PLEKHG5: variants seen among roughly 807,000 people sequenced by gnomAD.
The protein encoded by PLEKHG5 is pleckstrin homology and RhoGEF domain containing G5.
A neutral mutation model predicts 103.8 loss-of-function variants in PLEKHG5; 52 were observed. The observed-to-expected ratio is 0.50, with a 90% CI of 0.40 to 0.63. PLEKHG5 has a LOEUF of 0.63. Among genes scored for constraint, PLEKHG5 ranks in the 30% least tolerant of loss-of-function variants. The pLI is 0.00. For synonymous variants in PLEKHG5, 592 were observed against 575.5 expected, an observed-to-expected ratio of 1.03 and a Z score of -0.41; for missense variants, 1,205 against 1,347.6, an observed-to-expected ratio of 0.89 and a Z score of 1.66.
intron 1 of PLEKHG5, chr1:6,485,835 C>G (rs936818014): frequency 5.1e-6 from 5 of 981,954 alleles, no homozygotes; most frequent in African/African-American, 3.5e-5. Context: ...GGTACCCCCA[C>G]CTCTGCGCCT....
rs762228019 is a variant in PLEKHG5 at position 6,468,127 on chromosome 1, T to C, written c.2709A>G (p.Ser903=). ...GTPSAPSRSL[S]ELCLAVPAPG... ...GGGCTGGAACAGCCAGGCAGAGCTC[T>C]GACAGGCTGCGGCTGGGGGCAGAGG... is the stretch of plus-strand genomic sequence containing the variant. Residue 903 remains serine, a synonymous_variant, in exon 20 of 21, where the codon TCA becomes TCG. Transcript: ENST00000377728. 6.3e-7 allele frequency: 1 copy of C among 1,575,232 alleles called. No individual in the cohort carries two copies. Among genetic ancestry groups the C allele is most frequent in the Non-Finnish European group, 8.6e-7 (1 of 1,160,228 alleles).
chr1:6,469,004 C>A, intron 19 of PLEKHG5, 38 bp downstream of exon 19: 1 of 1,564,916 alleles, frequency 6.4e-7, no homozygotes, highest in Non-Finnish European at 8.8e-7. Context: ...GAGTACTTGT[C>A]CTGGTTTGAC....
intron 1 of PLEKHG5, among the ~76,000 whole-genome samples, chr1:6,507,889 G>C (rs1299552161): frequency 6.6e-6 from 1 of 152,222 alleles, no homozygotes; most frequent in African/African-American, 2.4e-5. Flanking sequence ...TGTTCATGTG[G>C]CAAGTGGCCT....
chr1:6,467,831 G>C lies in PLEKHG5; in HGVS notation c.3005C>G (p.Thr1002Ser). The C allele has an allele frequency of 6.2e-7, 1 of 1,613,288 alleles. No individual in the cohort carries two copies. ...CCCAGTCCAGGCCACTCACGAGGCA[G>C]TGAGCGTGGAGTTAAGCAGCAGGGT... The part of the protein sequence containing the change: ...RTTLLLNSTL[T>S]ASEV Residue 1002 changes from threonine (T) to serine (S), a missense_variant, in exon 20 of 21, where the codon ACT (threonine) becomes AGT (serine). Thr to Ser is a moderately conservative substitution (Grantham distance 58). Transcript: ENST00000377728.
At chr1:6,482,395 G>GA (rs1644926337) in intron 1 of PLEKHG5, among the ~76,000 whole-genome samples, 1 of 152,226 alleles carries the variant, frequency 6.6e-6, no homozygotes, top group Non-Finnish European at 1.5e-5. Flanking sequence ...TCTGGCTGGT[G>GA]AAAGCCCGAT....
chr1:6,504,168 C>T (rs1057154783), intron 1 of PLEKHG5, among the ~76,000 whole-genome samples: 33 of 152,112 alleles, frequency 2.2e-4, no homozygotes, highest in African/African-American at 8.0e-4. Flanking sequence ...AGGAAGCTGC[C>T]GGGTGAAGAA....
intron 1 of PLEKHG5, chr1:6,485,428 C>A: frequency 7.6e-7 from 1 of 1,321,986 alleles, no homozygotes; most frequent in South Asian, 2.0e-5. Flanking sequence ...CCGGAGACAC[C>A]GGGTCCTGTC....
rs868161574 is a variant in PLEKHG5 at position 6,470,770 on chromosome 1, C to A, written c.1507G>T (p.Glu503Ter). The A allele has an allele frequency of 6.4e-7, 1 of 1,566,524 alleles. No individual in the cohort carries two copies. Among genetic ancestry groups the A allele is most frequent in the East Asian group, 2.4e-5 (1 of 42,346 alleles). Residue 503 changes from glutamate to a stop codon, truncating the protein, a stop_gained, in exon 14 of 21, where the codon GAG (glutamate) becomes TAG (stop). Coordinates refer to ENST00000377728, the MANE Select transcript of PLEKHG5 (RefSeq NM_020631.6). LOFTEE classifies it high-confidence loss of function. ...LLLKSVLRKT[E>*]EPRAKEAVVA... ...ACGGCCTCCTTGGCGCGCGGCTCCT[C>A]GGTCTTCCTCAGCACCGACTTGAGC...
intron 11 of PLEKHG5, 59 bp from the exon 12 acceptor site, chr1:6,471,696 G>A: frequency 6.3e-7 from 1 of 1,578,170 alleles, no homozygotes; most frequent in Non-Finnish European, 8.6e-7. Flanking sequence ...CCCCGCCCCA[G>A]GTCCAGGTCC....
chr1:6,474,087 G>T lies in PLEKHG5; in HGVS notation c.517C>A (p.Arg173=). ...GCGGGGGGCCCGGTCCCAGCTGGCCGCAGAATCGGCAAACTCAGGGACTTG... is the reference window on the plus strand; with the variant it reads ...GCGGGGGGCCCGGTCCCAGCTGGCCTCAGAATCGGCAAACTCAGGGACTTG... ...DSKSLSLPIL[R]PAGTGPPALE... Residue 173 remains arginine, a synonymous_variant, in exon 7 of 21, where the codon CGG becomes AGG. Coordinates refer to ENST00000377728, the MANE Select transcript of PLEKHG5 (RefSeq NM_020631.6). 6.2e-7 allele frequency: 1 copy of T among 1,612,522 alleles called. No individual in the cohort carries two copies. The highest frequency in any genetic ancestry group is 8.5e-7 in the Non-Finnish European group (1 of 1,179,602).
rs372208282 is a variant in PLEKHG5 at position 6,516,862 on chromosome 1, A to ATG, written c.-165+2581_-165+2582dup. Among the ~76,000 whole-genome samples the ATG allele has an allele frequency of 6.5e-3, 159 of 24,324 alleles. 1 individual carries two copies. The highest frequency in any genetic ancestry group is 0.015 in the Admixed American group (16 of 1,072). 16.0% of individuals were successfully genotyped at this position (24,324 alleles called of 152,430 possible). A position where few individuals can be genotyped will look rare whatever the true frequency, so the allele number is the denominator to read the frequency against. On this transcript the variant is annotated intron_variant, in intron 1 of 21. Transcript: ENST00000377740. ...TGTATATATATATGTGTGTGTATATATGTGTATATATATATATATATATAC... is the reference window on the plus strand; with the variant it reads ...TGTATATATATATGTGTGTGTATATATGTGTGTATATATATATATATATATAC...
chr1:6,476,797 C>T (rs1234151725), intron 2 of PLEKHG5, among the ~76,000 whole-genome samples: 2 of 152,288 alleles, frequency 1.3e-5, no homozygotes, highest in South Asian at 2.1e-4. Flanking sequence ...CTCTGTCGCT[C>T]AGGCTGGAGT....
chr1:6,502,942 G>C (rs1041574147), intron 1 of PLEKHG5, among the ~76,000 whole-genome samples: 1 of 152,222 alleles, frequency 6.6e-6, no homozygotes, highest in African/African-American at 2.4e-5. Context: ...AGCTGGGGCA[G>C]GCACACACGG....
rs1208984284 is a variant in PLEKHG5 at position 6,486,411 on chromosome 1, G to A, written c.-88+5226C>T. On this transcript the variant is annotated intron_variant, in intron 1 of 20. Coordinates refer to ENST00000377728, the MANE Select transcript of PLEKHG5 (RefSeq NM_020631.6). This position sits in a 1 kb window ranked among gnomAD's most constrained non-coding sequence, Gnocchi z 5.3. Reference sequence around the variant, plus strand: ...CCTGGAGACCCCTGCCCGAGAGCCTGAGCCCCAGGGACACCCCCTCACACC... The same window carrying A: ...CCTGGAGACCCCTGCCCGAGAGCCTAAGCCCCAGGGACACCCCCTCACACC... Among the ~76,000 whole-genome samples, 1 of 152,002 alleles carries A rather than the reference G, an allele frequency of 6.6e-6. No individual in the cohort carries two copies. The highest frequency in any genetic ancestry group is 1.5e-5 in the Non-Finnish European group (1 of 67,996).
intron 1 of PLEKHG5, among the ~76,000 whole-genome samples, chr1:6,503,425 T>G (rs1645317435): frequency 7.4e-6 from 1 of 135,524 alleles, no homozygotes; most frequent in African/African-American, 2.8e-5. Flanking sequence ...TTTTTTTTTT[T>G]CAGATGGAGT....
rs780446983 is a variant in PLEKHG5, at chr1:6,471,762, C to T, written c.1127G>A (p.Cys376Tyr). ...CGCCCCCGAATCCCAGCGCACCTCA[C>T]ACAGCAGCCCTGACTCTTGCAGGTT... The part of the protein sequence containing the change: ...LLNLQESGLL[C>Y]EVEAERLFSN... The change falls in exon 11 of 21, where the codon TGT (cysteine) becomes TAT (tyrosine). Residue 376 changes from cysteine to tyrosine, a missense_variant. Physicochemically the swap from Cys to Tyr is radical, Grantham distance 194. Transcript: ENST00000377728. 1 of 1,610,160 alleles carries T rather than the reference C, an allele frequency of 6.2e-7. No individual in the cohort carries two copies.
At position 6,473,365 on chromosome 1, in the gene PLEKHG5, A is replaced by G. The variant is rs1408033146; in HGVS notation, c.681T>C (p.Ser227=). ...TGCTGCCACTGCTGCCGCTGGGCAG[A>G]GAGCAGCTGGAGGGCGTGGGGGGCT... The part of the protein sequence containing the change: ...GQEPPTPSSC[S]LPSGSSGSTN... Residue 227 remains serine (S), a synonymous_variant, in exon 8 of 21, where the codon TCT becomes TCC. Transcript: ENST00000377728. 6.4e-7 allele frequency: 1 copy of G among 1,550,626 alleles called. No homozygotes were observed. Among genetic ancestry groups the G allele is most frequent in the East Asian group, 2.4e-5 (1 of 40,984 alleles).
At chr1:6,511,127 G>A (rs4078184) in intron 1 of PLEKHG5, among the ~76,000 whole-genome samples, 77,007 of 151,988 alleles carry the variant, frequency 0.51, 21,074 homozygotes, top group Admixed American at 0.65. Flanking sequence ...GGCCAGATGC[G>A]TGGGTCCAGT....
intron 1 of PLEKHG5, among the ~76,000 whole-genome samples, chr1:6,503,099 T>C (rs1471102958): frequency 6.6e-6 from 1 of 152,162 alleles, no homozygotes; most frequent in African/African-American, 2.4e-5. Flanking sequence ...TGGGCATGGA[T>C]ATTCCAGGAG....
Sources: allele counts gnomAD v4.1 joint callset (sites outside exome capture counted in the v4.1 genomes callset), GRCh38; gene constraint gnomAD v4.1.1; non-coding constraint Gnocchi (gnomAD v3.1); transcripts MANE v1.5; gene names NCBI Gene and HGNC (gene_info 2026-07-23, HGNC 2026-07-21).